Variants in SMARCA1 observed in about 807,000 individuals in gnomAD.
SMARCA1 encodes the protein SWI/SNF-related matrix-associated actin-dependent regulator of chromatin subfamily A member 1.
A neutral mutation model predicts 93.6 loss-of-function variants in SMARCA1; 17 were observed. That is an observed-to-expected ratio of 0.18 (90% confidence interval 0.12 to 0.27). The LOEUF (loss-of-function observed/expected upper bound fraction) is 0.27. SMARCA1 is among the 10% of genes least tolerant of loss of function. SMARCA1 has a pLI of 1.00. For missense variants in SMARCA1, 630 were observed against 819.0 expected, an observed-to-expected ratio of 0.77 and a Z score of 2.82; for synonymous variants, 271 against 271.4, an observed-to-expected ratio of 1.00 and a Z score of 0.01.
intron 21 of SMARCA1, among the ~76,000 whole-genome samples, chrX:129,466,966 T>A (rs1231934815): frequency 9.0e-6 from 1 of 111,350 alleles, no homozygotes; most frequent in Non-Finnish European, 1.9e-5. Context: ...ATGACTTCAA[T>A]GAAAGGCCTT....
intron 23 of SMARCA1, among the ~76,000 whole-genome samples, chrX:129,452,883 T>C (rs1932378142): frequency 8.9e-6 from 1 of 112,216 alleles, no homozygotes; most frequent in African/African-American, 3.2e-5. Flanking sequence ...TCCAAGAGGA[T>C]ATGTTTACTT....
chrX:129,477,527 A>G (rs1013279355), intron 19 of SMARCA1, among the ~76,000 whole-genome samples: 1 of 110,986 alleles, frequency 9.0e-6, no homozygotes, highest in African/African-American at 3.3e-5. Flanking sequence ...ACTGCACTCC[A>G]GCCTGGTGAC....
At chrX:129,479,028 T>C (rs1441124581) in intron 19 of SMARCA1, among the ~76,000 whole-genome samples, 1 of 111,989 alleles carries the variant, frequency 8.9e-6, no homozygotes, top group East Asian at 2.8e-4. Context: ...TTCAGTTTCC[T>C]CACCTATTAA....
At chrX:129,483,720 A>G (rs1019445988) in intron 17 of SMARCA1, among the ~76,000 whole-genome samples, 18 of 112,115 alleles carry the variant, frequency 1.6e-4, no homozygotes, top group African/African-American at 5.5e-4. Context: ...ATACCGAATT[A>G]GTTTACTTTA....
intron 21 of SMARCA1, among the ~76,000 whole-genome samples, chrX:129,466,586 T>C (rs1316405516): frequency 1.8e-5 from 2 of 110,714 alleles, no homozygotes; most frequent in Non-Finnish European, 3.8e-5. Context: ...ACCCGGAAAG[T>C]GGAGGTTGCA....
At chrX:129,489,463 T>C (rs1934033898) in intron 15 of SMARCA1, among the ~76,000 whole-genome samples, 1 of 112,778 alleles carries the variant, frequency 8.9e-6, no homozygotes, top group Non-Finnish European at 1.9e-5. Flanking sequence ...CTACTGACAT[T>C]CAAGAATAAG....
intron 20 of SMARCA1, 30 bp downstream of exon 20, chrX:129,471,174 T>C (rs1280576750): frequency 2.6e-6 from 3 of 1,135,961 alleles, no homozygotes; most frequent in Admixed American, 5.2e-5. Flanking sequence ...TGATTGACTG[T>C]AAGTATTACA....
chrX:129,447,918 A>C (rs1373729905), intron 24 of SMARCA1, among the ~76,000 whole-genome samples: 1 of 111,929 alleles, frequency 8.9e-6, no homozygotes, highest in African/African-American at 3.2e-5. Context: ...TTGTCTGCTC[A>C]GAGTTCCCAT....
chrX:129,485,876 C>T (rs748210355), intron 17 of SMARCA1, among the ~76,000 whole-genome samples: 1 of 111,622 alleles, frequency 9.0e-6, no homozygotes, highest in South Asian at 3.8e-4. Flanking sequence ...TAAGTGAAAG[C>T]AGGCTGAGGC....
intron 9 of SMARCA1, among the ~76,000 whole-genome samples, chrX:129,500,928 A>G (rs1934534683): frequency 8.9e-6 from 1 of 112,294 alleles, no homozygotes; most frequent in South Asian, 3.7e-4. Flanking sequence ...GAAAATATAG[A>G]TGAATAGAGA....
intron 17 of SMARCA1, 142 bp downstream of exon 17, chrX:129,486,876 T>C (rs1389950596): frequency 3.2e-5 from 16 of 500,673 alleles, no homozygotes; most frequent in East Asian, 2.2e-4. Flanking sequence ...ACGAAAGATA[T>C]ACCTTGCATG....
chrX:129,507,012 G>A (rs749154598), intron 7 of SMARCA1, among the ~76,000 whole-genome samples: 1 of 111,715 alleles, frequency 9.0e-6, no homozygotes, highest in East Asian at 2.8e-4. Flanking sequence ...AAGCACAAAA[G>A]AATGGTAATC....
At chrX:129,464,993 A>G (rs1273674467) in intron 23 of SMARCA1, among the ~76,000 whole-genome samples, 2 of 111,659 alleles carry the variant, frequency 1.8e-5, no homozygotes, top group Non-Finnish European at 3.8e-5. Flanking sequence ...GTTGTGGATT[A>G]AAAGAGATTA....
intron 1 of SMARCA1, among the ~76,000 whole-genome samples, chrX:129,521,741 C>G (rs930337133): frequency 1.8e-5 from 2 of 112,325 alleles, no homozygotes; most frequent in African/African-American, 6.5e-5. Context: ...TATATTGATG[C>G]TTGGTATTAC....
Position 129,487,004 on chromosome X carries a change from G to C in SMARCA1, c.2217+14C>G, listed in dbSNP as rs914253083. 8.6e-7 allele frequency: 1 copy of C among 1,161,674 alleles called. No homozygotes were observed. The highest frequency in any genetic ancestry group is 1.8e-5 in the African/African-American group (1 of 55,849). ...GCTCATTTGAGGGTCTAATGGTTGA[G>C]AGTAAAAAGTTACCTTCTGTTTTTC... On this transcript the variant is annotated intron_variant, in intron 17 of 24. Transcript: ENST00000371121.
chrX:129,492,618 G>A (rs1934171398), intron 13 of SMARCA1, among the ~76,000 whole-genome samples: 1 of 110,782 alleles, frequency 9.0e-6, no homozygotes, highest in African/African-American at 3.3e-5. Flanking sequence ...CTATCAGTAT[G>A]GTAACAAGGA....
intron 17 of SMARCA1, among the ~76,000 whole-genome samples, chrX:129,486,024 T>C (rs1193810708): frequency 1.8e-5 from 2 of 111,953 alleles, no homozygotes; most frequent in Non-Finnish European, 3.8e-5. Context: ...AGACAGTAGA[T>C]ATACCAGTTA....
At chrX:129,470,060 C>CA (rs1239159540) in intron 20 of SMARCA1, among the ~76,000 whole-genome samples, 5 of 110,136 alleles carry the variant, frequency 4.5e-5, no homozygotes, top group South Asian at 7.6e-4. Context: ...TACGTTATAG[C>CA]AAAAAAAACC....
intron 19 of SMARCA1, among the ~76,000 whole-genome samples, chrX:129,471,582 G>A (rs1158740664): frequency 1.8e-5 from 2 of 111,461 alleles, no homozygotes; most frequent in Non-Finnish European, 3.8e-5. Context: ...ATTATACCCT[G>A]GAACAAAGTC....
Sources: gnomAD v4.1 joint callset for allele counts (sites outside exome capture counted in the v4.1 genomes callset) on GRCh38, gnomAD v4.1.1 for gene constraint, MANE v1.5 for transcripts, NCBI Gene and HGNC (gene_info 2026-07-23, HGNC 2026-07-21) for gene names.